The following VAT1L variants were observed in gnomAD, a reference collection of about 807,000 sequenced individuals.
VAT1L encodes vesicle amine transport 1 like.
VAT1L carries 34 observed loss-of-function variants against 44.1 expected under a neutral mutation model. The observed-to-expected ratio is 0.77, with a 90% CI of 0.59 to 1.03. The LOEUF (loss-of-function observed/expected upper bound fraction) is 1.03. VAT1L is among the 50% of genes least tolerant of loss of function. The pLI is 0.00. For missense variants in VAT1L, 615 were observed against 538.8 expected (o/e 1.14, Z -1.40); for synonymous variants, 253 against 202.2 (o/e 1.25, Z -2.13).
intron 3 of VAT1L, among the ~76,000 whole-genome samples, chr16:77,846,664 A>C (rs971242639): frequency 2.6e-5 from 4 of 152,220 alleles, no homozygotes; most frequent in African/African-American, 9.6e-5. Flanking sequence ...ACTGAAATAC[A>C]GTTTATAATA....
intron 7 of VAT1L, among the ~76,000 whole-genome samples, chr16:77,885,413 C>T (rs1402940520): frequency 1.3e-5 from 2 of 152,248 alleles, no homozygotes; most frequent in Middle Eastern, 3.4e-3. Flanking sequence ...TATTGGTTCA[C>T]ATGGCCCTTG....
At chr16:77,806,843 T>C (rs1597169428) in intron 1 of VAT1L, among the ~76,000 whole-genome samples, 2 of 152,276 alleles carry the variant, frequency 1.3e-5, no homozygotes, top group South Asian at 4.1e-4. Flanking sequence ...TGGTCCTTGG[T>C]GGCTCCAGGG....
intron 4 of VAT1L, among the ~76,000 whole-genome samples, chr16:77,869,714 G>T (rs2017010840): frequency 6.6e-6 from 1 of 152,130 alleles, no homozygotes; most frequent in Non-Finnish European, 1.5e-5. Context: ...CCAAATGACT[G>T]ACATGAGCTG....
At position 77,932,848 on chromosome 16, in the gene VAT1L, C is replaced by G. The variant is rs180822243; in HGVS notation, c.1078-39002C>G. On this transcript the variant is annotated intron_variant, in intron 7 of 8. Coordinates refer to ENST00000302536, the MANE Select transcript of VAT1L (RefSeq NM_020927.3). ...TCCAAAGGGAAAAAACAAAGGAGGT[C>G]TTTCTTTACCAGGAGTGCTGAGATA... 9.2e-5 allele frequency among the ~76,000 whole-genome samples: 14 copies of G among 152,310 alleles called. No homozygotes were observed. In the East Asian group the frequency reaches 2.7e-3, roughly 29 times the overall value.
At chr16:77,974,854 A>G (rs922092670) in intron 8 of VAT1L, among the ~76,000 whole-genome samples, 1 of 151,974 alleles carries the variant, frequency 6.6e-6, no homozygotes, top group Non-Finnish European at 1.5e-5. Context: ...TAGACATGAG[A>G]CACTGTACCG....
intron 7 of VAT1L, among the ~76,000 whole-genome samples, chr16:77,962,830 C>G (rs961255207): frequency 6.6e-6 from 1 of 152,068 alleles, no homozygotes; most frequent in African/African-American, 2.4e-5. Flanking sequence ...CCTGCAGTCT[C>G]AGCTACTTGG....
chr16:77,887,726 C>T (rs1291312322), intron 7 of VAT1L, among the ~76,000 whole-genome samples: 1 of 152,158 alleles, frequency 6.6e-6, no homozygotes, highest in Non-Finnish European at 1.5e-5. Flanking sequence ...CTGAGTCATG[C>T]ATCATATGCA....
intron 7 of VAT1L, among the ~76,000 whole-genome samples, chr16:77,970,123 C>G (rs951852635): frequency 2.7e-5 from 4 of 149,338 alleles, no homozygotes; most frequent in Non-Finnish European, 5.9e-5. Flanking sequence ...GTAATCCTAG[C>G]TACTTGGTAG....
At chr16:77,946,535 G>A (rs2017969370) in intron 7 of VAT1L, among the ~76,000 whole-genome samples, 1 of 152,040 alleles carries the variant, frequency 6.6e-6, no homozygotes, top group African/African-American at 2.4e-5. Flanking sequence ...GCCCGCCTCA[G>A]CCTCCCAAAG....
intron 1 of VAT1L, among the ~76,000 whole-genome samples, chr16:77,807,127 A>C (rs2016175234): frequency 6.6e-6 from 1 of 152,214 alleles, no homozygotes; most frequent in Non-Finnish European, 1.5e-5. Flanking sequence ...AAGGAGCCTC[A>C]TAAAAATTCA....
intron 7 of VAT1L, among the ~76,000 whole-genome samples, chr16:77,889,067 G>C (rs1189728972): frequency 6.6e-6 from 1 of 152,166 alleles, no homozygotes; most frequent in African/African-American, 2.4e-5. Flanking sequence ...AGTGTAACAT[G>C]CTTATTACTT....
chr16:77,957,161 T>C (rs1277718709), intron 7 of VAT1L, among the ~76,000 whole-genome samples: 1 of 152,212 alleles, frequency 6.6e-6, no homozygotes, highest in Non-Finnish European at 1.5e-5. Context: ...AGCTCCCCAC[T>C]TGAGAACTTT....
intron 8 of VAT1L, among the ~76,000 whole-genome samples, chr16:77,975,636 G>A (rs1317961855): frequency 3.3e-5 from 5 of 152,212 alleles, no homozygotes; most frequent in African/African-American, 4.8e-5. Context: ...AGGGGAAGTC[G>A]ACTGCTACTG....
chr16:77,977,508 A>C (rs1437007045), intron 8 of VAT1L, 89 bp from the exon 9 acceptor site: 1 of 1,331,888 alleles, frequency 7.5e-7, no homozygotes, highest in Non-Finnish European at 1.1e-6. Context: ...CTAGCCCCCA[A>C]GAAGTCCTCC....
intron 7 of VAT1L, among the ~76,000 whole-genome samples, chr16:77,891,599 T>G (rs149222044): frequency 6.6e-6 from 1 of 152,264 alleles, no homozygotes; most frequent in Admixed American, 6.5e-5. Context: ...TCTCGCTGAG[T>G]CTTCTGCATT....
At chr16:77,833,841 C>T (rs1324777142) in intron 3 of VAT1L, among the ~76,000 whole-genome samples, 1 of 151,976 alleles carries the variant, frequency 6.6e-6, no homozygotes, top group East Asian at 1.9e-4. Context: ...TGGAGGTGGG[C>T]TGGGCTTTCA....
chr16:77,792,763 C>T (rs573441173), intron 1 of VAT1L, among the ~76,000 whole-genome samples: 1 of 152,248 alleles, frequency 6.6e-6, no homozygotes, highest in East Asian at 1.9e-4. Context: ...TTGGCCTTGG[C>T]CATGTTGTTG....
intron 7 of VAT1L, among the ~76,000 whole-genome samples, chr16:77,898,659 T>C (rs1490451057): frequency 8.7e-6 from 1 of 114,452 alleles, no homozygotes; most frequent in Non-Finnish European, 1.6e-5. Flanking sequence ...CAGCCTCTGT[T>C]ACCAGATCAG....
intron 7 of VAT1L, among the ~76,000 whole-genome samples, chr16:77,963,852 G>C (rs751427829): frequency 6.6e-6 from 1 of 152,144 alleles, no homozygotes. Flanking sequence ...GAAATGATTT[G>C]AAGCAATCAG....
Sources: allele counts gnomAD v4.1 joint callset (sites outside exome capture counted in the v4.1 genomes callset), GRCh38; gene constraint gnomAD v4.1.1; transcripts MANE v1.5; gene names NCBI Gene and HGNC (gene_info 2026-07-23, HGNC 2026-07-21).